SGPP2: variants seen among roughly 807,000 people sequenced by gnomAD.
SGPP2 encodes the protein sphingosine 1-phosphate phosphohydrolase 2.
SGPP2 carries 30 observed loss-of-function variants against 33.9 expected under a neutral mutation model. The observed-to-expected ratio is 0.89, with a 90% CI of 0.66 to 1.20. SGPP2 has a LOEUF of 1.20. Ranked by LOEUF, SGPP2 falls within the 50% of genes most tolerant of loss-of-function variation. The pLI is 0.00. For synonymous variants in SGPP2, 233 were observed against 225.0 expected, an observed-to-expected ratio of 1.04 and a Z score of -0.32; for missense variants, 458 against 532.1, an observed-to-expected ratio of 0.86 and a Z score of 1.37.
At chr2:222,548,296 C>G (rs1173986991) in intron 4 of SGPP2, among the ~76,000 whole-genome samples, 1 of 152,220 alleles carries the variant, frequency 6.6e-6, no homozygotes, top group Non-Finnish European at 1.5e-5. Context: ...TCTTAACACA[C>G]TTATAGAAAA....
At chr2:222,474,831 T>A (rs944224786) in intron 2 of SGPP2, 105 bp downstream of exon 2, 39 of 783,240 alleles carry the variant, frequency 5.0e-5, no homozygotes, top group African/African-American at 3.0e-4. Flanking sequence ...TTTTTTTTTT[T>A]ACCACTTAGA....
At chr2:222,446,328 A>AAAAC (rs10672659) in intron 1 of SGPP2, among the ~76,000 whole-genome samples, 118,996 of 151,448 alleles carry the variant, frequency 0.79, 46,883 homozygotes, top group Middle Eastern at 0.9. Flanking sequence ...CATCAAACAC[A>AAAAC]AAACAAACAA....
Position 222,550,901 on chromosome 2 carries a change from A to G in SGPP2, c.649-7446A>G, listed in dbSNP as rs943726806. Among the ~76,000 whole-genome samples the G allele has an allele frequency of 2.0e-5, 3 of 152,192 alleles. No individual in the cohort carries two copies. The highest frequency in any genetic ancestry group is 1.9e-4 in the East Asian group (1 of 5,198). On this transcript the variant is annotated intron_variant, in intron 4 of 4. Transcript: ENST00000321276. This position sits in a 1 kb window ranked among gnomAD's most constrained non-coding sequence, Gnocchi z 4.5. ...TGTAAACTTCATGAGCAGCCTTATT[A>G]TCGTCTCTGGTTATTTTCTTAGAAT...
chr2:222,540,938 C>A (rs1370977850), intron 4 of SGPP2, among the ~76,000 whole-genome samples: 1 of 151,516 alleles, frequency 6.6e-6, no homozygotes, highest in African/African-American at 2.4e-5. Context: ...CTGCCTCAGC[C>A]TCCCAAGTAG....
intron 2 of SGPP2, among the ~76,000 whole-genome samples, chr2:222,510,784 T>C (rs532933551): frequency 5.3e-5 from 8 of 152,278 alleles, no homozygotes; most frequent in African/African-American, 1.2e-4. Context: ...CCGTAGTGTA[T>C]ACAAAAATGT....
chr2:222,432,240 T>C (rs377585134), intron 1 of SGPP2, among the ~76,000 whole-genome samples: 31 of 152,180 alleles, frequency 2.0e-4, no homozygotes, highest in African/African-American at 7.2e-4. Flanking sequence ...GAAATAGTGA[T>C]GTTAGATTCA....
rs184688116 is a variant in SGPP2, at chr2:222,494,572, G to C, written c.378+19846G>C. 1.8e-4 allele frequency among the ~76,000 whole-genome samples: 28 copies of C among 152,380 alleles called. No individual in the cohort carries two copies. The East Asian group carries it at 5.2e-3, about 28-fold the overall frequency. On this transcript the variant is annotated intron_variant, in intron 2 of 4. Transcript: ENST00000321276. The stretch of plus-strand genomic sequence containing the variant: ...ACTGAATAGCTATGTGTTCACATGA[G>C]ACATGCCGAGGGCGCCAGCTTGGCC...
chr2:222,515,208 T>TCAGGC (rs1698585954), intron 2 of SGPP2, among the ~76,000 whole-genome samples: 1 of 152,144 alleles, frequency 6.6e-6, no homozygotes, highest in African/African-American at 2.4e-5. Flanking sequence ...GCAGATCAGG[T>TCAGGC]CAGGCCAGGC....
In SGPP2 at chr2:222,558,999, CAA is replaced by C. The variant is rs1689473428; in HGVS notation, c.*105_*106del. ...ACAACTTATTTTTCTTTAACAACAACAAAAAGTCATACGGCTGTCTTGCTACT... is the reference window on the plus strand; with the variant it reads ...ACAACTTATTTTTCTTTAACAACAACAAAGTCATACGGCTGTCTTGCTACT... On this transcript the variant is annotated 3_prime_UTR_variant, in exon 5 of 5. Transcript: ENST00000321276. The C allele has an allele frequency of 1.7e-6, 2 of 1,177,970 alleles. No individual in the cohort carries two copies. Among genetic ancestry groups the C allele is most frequent in the East Asian group, 2.4e-5 (1 of 41,770 alleles). The allele number at this position is 1,177,970 out of a possible 1,614,324, so 73.0% of individuals were successfully genotyped here. A position where few individuals can be genotyped will look rare whatever the true frequency, so the allele number is the denominator to read the frequency against.
In SGPP2 at chr2:222,474,740, C is replaced by G. The variant is rs752787184; in HGVS notation, c.378+14C>G. 6.3e-7 allele frequency: 1 copy of G among 1,597,458 alleles called. No individual in the cohort carries two copies. Among genetic ancestry groups the G allele is most frequent in the African/African-American group, 1.3e-5 (1 of 74,614 alleles). On this transcript the variant is annotated intron_variant, in intron 2 of 4. Coordinates refer to ENST00000321276, the MANE Select transcript of SGPP2 (RefSeq NM_152386.4). ...ATCATATGGGTTGTAAGTATTATTA[C>G]TACTCATTAACTGATGCTACTTCTA...
At chr2:222,441,467 A>G (rs1430476412) in intron 1 of SGPP2, among the ~76,000 whole-genome samples, 2 of 152,232 alleles carry the variant, frequency 1.3e-5, no homozygotes, top group Admixed American at 1.3e-4. Flanking sequence ...CTATTGTTCA[A>G]CCAGAAAAAG....
chr2:222,486,778 C>G (rs1444423595), intron 2 of SGPP2, among the ~76,000 whole-genome samples: 1 of 152,166 alleles, frequency 6.6e-6, no homozygotes, highest in Non-Finnish European at 1.5e-5. Context: ...ATTCCAGAAT[C>G]CTGGCTATGA....
chr2:222,445,797 C>A (rs1236683429), intron 1 of SGPP2, among the ~76,000 whole-genome samples: 1 of 152,200 alleles, frequency 6.6e-6, no homozygotes, highest in Non-Finnish European at 1.5e-5. Context: ...TCCTCTGAAT[C>A]CTCCCAATGC....
chr2:222,530,853 A>T (rs139863425), intron 4 of SGPP2, among the ~76,000 whole-genome samples: 84 of 152,260 alleles, frequency 5.5e-4, no homozygotes, highest in African/African-American at 1.9e-3. Flanking sequence ...ACTAAGGTTA[A>T]TCATTTCTAG....
At chr2:222,521,111 C>T (rs1490351224) in intron 2 of SGPP2, among the ~76,000 whole-genome samples, 3 of 152,230 alleles carry the variant, frequency 2.0e-5, no homozygotes, top group Non-Finnish European at 4.4e-5. Flanking sequence ...TTGACTGATG[C>T]TCCTGATTAC....
In SGPP2 at chr2:222,559,137, C is replaced by T. The variant is rs1046717594; in HGVS notation, c.*239C>T. On this transcript the variant is annotated 3_prime_UTR_variant, in exon 5 of 5. Coordinates refer to ENST00000321276, the MANE Select transcript of SGPP2 (RefSeq NM_152386.4). ...TGAACCCAGGCTAAAGACCATAATC[C>T]GGATCTTTAAAGGCACACACCGCGC... is the stretch of plus-strand genomic sequence containing the variant. The T allele has an allele frequency of 1.7e-5, 5 of 302,104 alleles. No homozygotes were observed. In the East Asian group the frequency reaches 2.7e-4, roughly 16 times the overall value. The allele number at this position is 302,104 out of a possible 1,614,324, so 18.7% of individuals were successfully genotyped here.
intron 2 of SGPP2, among the ~76,000 whole-genome samples, chr2:222,503,399 G>A (rs371475445): frequency 5.9e-5 from 9 of 152,306 alleles, no homozygotes; most frequent in East Asian, 1.9e-4. Flanking sequence ...TGTTAAGAGC[G>A]TAGATTTATT....
chr2:222,527,588 G>A (rs186981543), intron 4 of SGPP2, among the ~76,000 whole-genome samples: 99 of 152,112 alleles, frequency 6.5e-4, no homozygotes, highest in Non-Finnish European at 1.1e-3. Context: ...AAGGGGCACC[G>A]CCCCCTTTTG....
intron 2 of SGPP2, among the ~76,000 whole-genome samples, chr2:222,478,038 T>C (rs1405636164): frequency 1.3e-5 from 2 of 152,064 alleles, no homozygotes; most frequent in African/African-American, 4.8e-5. Flanking sequence ...GAGAGTTCTG[T>C]AGTTATTCTG....
Sources: gnomAD v4.1 joint callset for allele counts (sites outside exome capture counted in the v4.1 genomes callset) on GRCh38, gnomAD v4.1.1 for gene constraint, Gnocchi (gnomAD v3.1) non-coding constraint, MANE v1.5 for transcripts, NCBI Gene and HGNC (gene_info 2026-07-23, HGNC 2026-07-21) for gene names.